Variants in TRPC7 observed in about 807,000 individuals in gnomAD.
The protein encoded by TRPC7 is short transient receptor potential channel 7.
In TRPC7, 42 loss-of-function variants were observed where a neutral mutation model predicts 90.1. The observed-to-expected ratio is 0.47, with a 90% CI of 0.36 to 0.60. The LOEUF (loss-of-function observed/expected upper bound fraction) is 0.60. Among genes scored for constraint, TRPC7 ranks in the 20% least tolerant of loss-of-function variants. The probability of loss-of-function intolerance (pLI) is 0.00; values close to 1 mark genes in which losing one functional copy is unlikely to be tolerated. For missense variants in TRPC7, 955 were observed against 1,112.3 expected, an observed-to-expected ratio of 0.86 and a Z score of 2.01; for synonymous variants, 451 against 436.3, an observed-to-expected ratio of 1.03 and a Z score of -0.42.
At chr5:136,282,428 G>A (rs564950985) in intron 3 of TRPC7, among the ~76,000 whole-genome samples, 7 of 151,994 alleles carry the variant, frequency 4.6e-5, no homozygotes, top group Non-Finnish European at 1.0e-4. Flanking sequence ...ATCACATTTT[G>A]TATTTTATTT....
At chr5:136,313,665 G>C (rs565247381) in intron 3 of TRPC7, among the ~76,000 whole-genome samples, 1 of 152,282 alleles carries the variant, frequency 6.6e-6, no homozygotes, top group South Asian at 2.1e-4. Context: ...TACAAGGTTT[G>C]AGAAAATGTA....
intron 7 of TRPC7, among the ~76,000 whole-genome samples, chr5:136,235,215 T>A (rs926061648): frequency 1.2e-4 from 19 of 152,120 alleles, no homozygotes; most frequent in African/African-American, 4.6e-4. Flanking sequence ...ATCCTTACAC[T>A]AAGGGCTGAT....
chr5:136,294,259 C>T (rs1046048867), intron 3 of TRPC7, among the ~76,000 whole-genome samples: 38 of 152,242 alleles, frequency 2.5e-4, no homozygotes, highest in African/African-American at 8.4e-4. Flanking sequence ...AAACAAAAAG[C>T]AACGGCAACA....
At chr5:136,323,211 C>T (rs949821915) in intron 2 of TRPC7, among the ~76,000 whole-genome samples, 8 of 152,220 alleles carry the variant, frequency 5.3e-5, no homozygotes, top group Non-Finnish European at 8.8e-5. Context: ...CCACGTGAGA[C>T]GTGCCTTTCA....
intron 3 of TRPC7, among the ~76,000 whole-genome samples, chr5:136,294,855 C>T (rs922083721): frequency 6.6e-6 from 1 of 152,146 alleles, no homozygotes; most frequent in African/African-American, 2.4e-5. Context: ...TTTGTTGCGG[C>T]ACTATTCACA....
chr5:136,326,053 T>C (rs1024278295), intron 2 of TRPC7, among the ~76,000 whole-genome samples: 2 of 152,184 alleles, frequency 1.3e-5, no homozygotes, highest in Admixed American at 1.3e-4. Context: ...ACCAAATCCT[T>C]CATGCAGATA....
At chr5:136,251,628 G>C in intron 6 of TRPC7, 21 bp downstream of exon 6, 1 of 1,568,256 alleles carries the variant, frequency 6.4e-7, no homozygotes, top group Non-Finnish European at 8.7e-7. Context: ...AATGGAGTAG[G>C]GGAAGCACTC....
At chr5:136,356,111 G>C (rs1339407560) in intron 2 of TRPC7, among the ~76,000 whole-genome samples, 3 of 152,192 alleles carry the variant, frequency 2.0e-5, no homozygotes, top group African/African-American at 7.2e-5. Context: ...GAACTTCCCA[G>C]GTTTAAGAAA....
At chr5:136,284,047 C>T (rs942617292) in intron 3 of TRPC7, among the ~76,000 whole-genome samples, 6 of 152,232 alleles carry the variant, frequency 3.9e-5, no homozygotes, top group Non-Finnish European at 8.8e-5. Flanking sequence ...TCCAAGGCTT[C>T]AGTTTGGACA....
At position 136,346,675 on chromosome 5, in the gene TRPC7, T is replaced by C. The variant is rs1760019170; in HGVS notation, c.780+9933A>G. ...TCCGGTTTTCTCCGGACTGACCTCT[T>C]AGTTAGGATTATCTTTGGCTTCCTA... is the stretch of plus-strand genomic sequence containing the variant. On this transcript the variant is annotated intron_variant, in intron 2 of 11. Transcript: ENST00000513104. 2.0e-5 allele frequency among the ~76,000 whole-genome samples: 3 copies of C among 152,264 alleles called. 1 individual carries two copies. In the South Asian group the frequency reaches 6.2e-4, roughly 32 times the overall value.
At chr5:136,306,687 C>T (rs1247609262) in intron 3 of TRPC7, among the ~76,000 whole-genome samples, 1 of 152,072 alleles carries the variant, frequency 6.6e-6, no homozygotes, top group Non-Finnish European at 1.5e-5. Flanking sequence ...GATGACATTC[C>T]ACCATTGTGA....
chr5:136,342,875 G>A (rs1483634345), intron 2 of TRPC7, among the ~76,000 whole-genome samples: 2 of 152,172 alleles, frequency 1.3e-5, no homozygotes, highest in Non-Finnish European at 2.9e-5. Context: ...AAAGTCCTAT[G>A]ATGAAACTGT....
rs191198339 is a variant in TRPC7, at chr5:136,226,116, A to G, written c.2180T>C (p.Met727Thr). 58 of 1,599,282 alleles carry G rather than the reference A, an allele frequency of 3.6e-5. No individual in the cohort carries two copies. The highest frequency in any genetic ancestry group is 4.5e-5 in the Non-Finnish European group (53 of 1,172,002). ...AGATTTGCAGAGTTTTATGAGGCAC[A>G]TCTTGATTCTCATTATGAGATAATA... ...SFYYLIMRIK[M>T]CLIKLCKSKA... The change falls in exon 9 of 12, where the codon ATG (methionine) becomes ACG (threonine). Residue 727 changes from methionine to threonine, a missense_variant. Physicochemically the swap from Met to Thr is moderately conservative, Grantham distance 81. Around this residue, in one of 4 missense-constraint regions of TRPC7, gnomAD observed 296 missense variants for 422.7 expected, o/e 0.70. Coordinates refer to ENST00000513104, the MANE Select transcript of TRPC7 (RefSeq NM_020389.3).
chr5:136,365,349 A>G lies in TRPC7; in HGVS notation c.-95T>C. The G allele has an allele frequency of 1.6e-6, 2 of 1,286,472 alleles. No homozygotes were observed. The highest frequency in any genetic ancestry group is 4.0e-5 in the Admixed American group (2 of 50,398). 79.7% of individuals were successfully genotyped at this position (1,286,472 alleles called of 1,614,324 possible). ...GGCTCCCCATGGGTGGTAGCCAAGGATGTACCGCTCTCCGTGGTGCTGAAG... is the reference window on the plus strand; with the variant it reads ...GGCTCCCCATGGGTGGTAGCCAAGGGTGTACCGCTCTCCGTGGTGCTGAAG... On this transcript the variant is annotated 5_prime_UTR_variant, in exon 1 of 12. Transcript: ENST00000513104.
chr5:136,213,726 G>T lies in TRPC7; in HGVS notation c.2420-122C>A, dbSNP rs1172059925. 1.1e-5 allele frequency: 12 copies of T among 1,100,330 alleles called. No homozygotes were observed. In the South Asian group the frequency reaches 1.5e-4, roughly 14 times the overall value. The allele number at this position is 1,100,330 out of a possible 1,614,324, so 68.2% of individuals were successfully genotyped here. A position where few individuals can be genotyped will look rare whatever the true frequency, so the allele number is the denominator to read the frequency against. Reference sequence around the variant, plus strand: ...TCGGGTCCTGGGCCAGCCCACCAGGGTTGAAGGTGAGGCAAGGGGGGCTCT... The same window carrying T: ...TCGGGTCCTGGGCCAGCCCACCAGGTTTGAAGGTGAGGCAAGGGGGGCTCT... On this transcript the variant is annotated intron_variant, in intron 11 of 11. Coordinates refer to ENST00000513104, the MANE Select transcript of TRPC7 (RefSeq NM_020389.3).
chr5:136,342,245 AC>A (rs1200604778), intron 2 of TRPC7, among the ~76,000 whole-genome samples: 2 of 152,196 alleles, frequency 1.3e-5, no homozygotes, highest in Non-Finnish European at 2.9e-5. Context: ...CTGGGCTGGT[AC>A]GTAGATGTGA....
intron 3 of TRPC7, among the ~76,000 whole-genome samples, chr5:136,280,175 CA>C: frequency 6.6e-6 from 1 of 152,074 alleles, no homozygotes; most frequent in Non-Finnish European, 1.5e-5. Context: ...AACAAACAAA[CA>C]AACAAAAAAC....
chr5:136,255,749 G>C (rs1032670468), intron 5 of TRPC7, among the ~76,000 whole-genome samples: 4 of 152,158 alleles, frequency 2.6e-5, no homozygotes, highest in African/African-American at 9.7e-5. Flanking sequence ...TTAAATCCTT[G>C]CAACAATCCT....
rs556313801 is a variant in TRPC7 at position 136,236,889 on chromosome 5, A to G, written c.1845-5340T>C. ...AGTTCAGTTACCTAATCAAATCATC[A>G]TATAGCAGGCTAAAATTAAGCAGGA... is the stretch of plus-strand genomic sequence containing the variant. On this transcript the variant is annotated intron_variant, in intron 7 of 11. Coordinates refer to ENST00000513104, the MANE Select transcript of TRPC7 (RefSeq NM_020389.3). Among the ~76,000 whole-genome samples the G allele has an allele frequency of 9.9e-4, 151 of 152,322 alleles. 4 individuals carry two copies. The highest frequency in any genetic ancestry group is 1.0e-3 in the Admixed American group (16 of 15,306).
Sources: allele counts gnomAD v4.1 joint callset (sites outside exome capture counted in the v4.1 genomes callset), GRCh38; gene constraint gnomAD v4.1.1; regional missense constraint gnomAD v4.1.1; transcripts MANE v1.5; gene names NCBI Gene and HGNC (gene_info 2026-07-23, HGNC 2026-07-21).